SLC25A48: variants seen among roughly 807,000 people sequenced by gnomAD.
The protein encoded by SLC25A48 is CTC-321K16.1.
Under a neutral mutation model 32.2 loss-of-function variants are expected in SLC25A48, and 29 were observed. The observed-to-expected ratio is 0.90, with a 90% CI of 0.67 to 1.23. SLC25A48 has a LOEUF of 1.23. Ranked by LOEUF, SLC25A48 falls within the 50% of genes most tolerant of loss-of-function variation. The pLI is 0.00. For synonymous variants in SLC25A48, 164 were observed against 172.3 expected (o/e 0.95, Z 0.38); for missense variants, 399 against 422.7 (o/e 0.94, Z 0.49).
chr5:135,579,314 C>T, exon 1 of SLC25A48: 1 of 158,220 alleles, frequency 6.3e-6, no homozygotes, highest in Non-Finnish European at 1.4e-5. Context: ...GGAGCCCAGA[C>T]GGTGGAGAGG....
intron 4 of SLC25A48, among the ~76,000 whole-genome samples, chr5:135,868,677 T>TACACACACACACAC (rs34148471): frequency 1.3e-4 from 19 of 149,140 alleles, no homozygotes; most frequent in African/African-American, 4.7e-4. Flanking sequence ...CACACACACA[T>TACACACACACACAC]ACACACACAC....
At chr5:135,658,201 T>C (rs801550) in intron 3 of SLC25A48, among the ~76,000 whole-genome samples, 137,625 of 152,298 alleles carry the variant, frequency 0.9, 62,449 homozygotes, top group East Asian at 1. Context: ...TTAATTACTT[T>C]CAAGATACAA....
At chr5:135,862,438 C>G (rs1384908299) in intron 4 of SLC25A48, among the ~76,000 whole-genome samples, 2 of 152,226 alleles carry the variant, frequency 1.3e-5, no homozygotes, top group Non-Finnish European at 2.9e-5. Flanking sequence ...TGAGTGTTTA[C>G]ACCTGTTTGA....
intron 4 of SLC25A48, among the ~76,000 whole-genome samples, chr5:135,865,417 G>C (rs1233361346): frequency 6.6e-6 from 1 of 152,170 alleles, no homozygotes; most frequent in Non-Finnish European, 1.5e-5. Flanking sequence ...TCTGCTGGAG[G>C]ATGTACAGCC....
rs1756431459 is a variant in SLC25A48 at position 135,772,205 on chromosome 5, C to T, written c.-520-40318C>T. ...CCCAGGGTGTGAGAGGATGACTTTA[C>T]TCCCAATATCGCAGGGAGGTGTACA... On this transcript the variant is annotated intron_variant, in intron 3 of 10. Transcript: ENST00000646290. Among the ~76,000 whole-genome samples the T allele has an allele frequency of 5.3e-5, 8 of 151,456 alleles. No individual in the cohort carries two copies. The Admixed American group carries it at 5.3e-4, about 10-fold the overall frequency.
intron 1 of SLC25A48, among the ~76,000 whole-genome samples, chr5:135,837,214 T>A (rs894351596): frequency 6.6e-6 from 1 of 151,596 alleles, no homozygotes; most frequent in Non-Finnish European, 1.5e-5. Flanking sequence ...CCAGCGCACC[T>A]CCCCCCACTA....
At chr5:135,607,633 T>C (rs948487686) in intron 1 of SLC25A48, among the ~76,000 whole-genome samples, 1 of 152,252 alleles carries the variant, frequency 6.6e-6, no homozygotes, top group Non-Finnish European at 1.5e-5. Flanking sequence ...TCTCTGAGTG[T>C]ATATGTTTTC....
intron 3 of SLC25A48, among the ~76,000 whole-genome samples, chr5:135,779,406 G>C (rs1756663258): frequency 6.6e-6 from 1 of 151,068 alleles, no homozygotes; most frequent in Admixed American, 6.6e-5. Flanking sequence ...TATTCAGGGG[G>C]GTCAGGATGA....
chr5:135,807,070 T>C (rs985469787), intron 3 of SLC25A48, among the ~76,000 whole-genome samples: 1 of 150,716 alleles, frequency 6.6e-6, no homozygotes, highest in African/African-American at 2.4e-5. Context: ...TCAAATATTT[T>C]ATTAATATCA....
chr5:135,812,441 T>C (rs574687347), intron 3 of SLC25A48: 1 of 152,338 alleles, frequency 6.6e-6, no homozygotes. Context: ...ACAACAATAG[T>C]CCTGGTGATA....
chr5:135,777,316 A>AC (rs1292058802), intron 3 of SLC25A48, among the ~76,000 whole-genome samples: 1 of 151,400 alleles, frequency 6.6e-6, no homozygotes, highest in Non-Finnish European at 1.5e-5. Flanking sequence ...TTACAGCCCC[A>AC]CCCCCCAATA....
intron 3 of SLC25A48, among the ~76,000 whole-genome samples, chr5:135,707,518 G>T (rs536833373): frequency 6.6e-6 from 1 of 151,810 alleles, no homozygotes; most frequent in Non-Finnish European, 1.5e-5. Flanking sequence ...GACTCCCGCC[G>T]CCCCCGCCCT....
intron 3 of SLC25A48, among the ~76,000 whole-genome samples, chr5:135,709,813 T>G (rs147337740): frequency 6.6e-4 from 101 of 152,330 alleles, no homozygotes; most frequent in African/African-American, 2.3e-3. Context: ...GCCAGGAACA[T>G]TGTAAGTACT....
intron 4 of SLC25A48, among the ~76,000 whole-genome samples, chr5:135,818,097 CTCTCTCTCTCTCTCTCT>C: frequency 7.1e-6 from 1 of 141,064 alleles, no homozygotes; most frequent in African/African-American, 2.8e-5. Flanking sequence ...CTCTCTCTCT[CTCTCTCTCTCTCTCTCT>C]CTCTCCCTCT....
chr5:135,660,927 A>G (rs974329561), intron 3 of SLC25A48, among the ~76,000 whole-genome samples: 5 of 152,178 alleles, frequency 3.3e-5, no homozygotes, highest in African/African-American at 1.2e-4. Flanking sequence ...ATTGTTGGTT[A>G]TGTTTTCTCA....
chr5:135,818,927 T>C (rs2126658128), intron 4 of SLC25A48, among the ~76,000 whole-genome samples: 1 of 151,646 alleles, frequency 6.6e-6, no homozygotes, highest in South Asian at 2.1e-4. Context: ...AAATACGAAA[T>C]GTGAAAAAAA....
chr5:135,580,490 G>A (rs980873256), intron 1 of SLC25A48, among the ~76,000 whole-genome samples: 1 of 152,180 alleles, frequency 6.6e-6, no homozygotes, highest in Non-Finnish European at 1.5e-5. Flanking sequence ...GGAAGAATCT[G>A]TGTCGTCTCT....
chr5:135,619,608 T>C (rs996295283), intron 1 of SLC25A48, among the ~76,000 whole-genome samples: 13 of 152,210 alleles, frequency 8.5e-5, no homozygotes, highest in African/African-American at 3.1e-4. Context: ...TGACATGGTG[T>C]CACAGTCACT....
rs200353987 is a variant in SLC25A48, at chr5:135,834,805, G to C, written c.-43G>C. On this transcript the variant is annotated 5_prime_UTR_variant, in exon 1 of 8. Transcript: ENST00000681962. Reference sequence around the variant, plus strand: ...GGGCCATGCCCCACTGACTCTAAGTGGGCACTGCCCCGGCTCCGGGAGGGC... The same window carrying C: ...GGGCCATGCCCCACTGACTCTAAGTCGGCACTGCCCCGGCTCCGGGAGGGC... The C allele has an allele frequency of 6.4e-7, 1 of 1,553,522 alleles. No individual in the cohort carries two copies. The highest frequency in any genetic ancestry group is 2.0e-5 in the Admixed American group (1 of 50,454).
Sources: allele counts gnomAD v4.1 joint callset (sites outside exome capture counted in the v4.1 genomes callset), GRCh38; gene constraint gnomAD v4.1.1; transcripts MANE v1.5; gene names NCBI Gene and HGNC (gene_info 2026-07-23, HGNC 2026-07-21).